The following CFAP20DC variants were observed in gnomAD, a reference collection of about 807,000 sequenced individuals.
CFAP20DC encodes the protein protein CFAP20DC.
CFAP20DC carries 84 observed loss-of-function variants against 101.7 expected under a neutral mutation model. The observed-to-expected ratio is 0.83, with a 90% CI of 0.69 to 0.99. The LOEUF (loss-of-function observed/expected upper bound fraction) is 0.99. CFAP20DC is among the 50% of genes least tolerant of loss of function. The pLI is 0.00. For missense variants in CFAP20DC, 1,007 were observed against 970.3 expected (o/e 1.04, Z -0.50); for synonymous variants, 359 against 351.2 (o/e 1.02, Z -0.25).
chr3:58,999,794 A>G (rs1196248956), intron 4 of CFAP20DC, among the ~76,000 whole-genome samples: 1 of 142,092 alleles, frequency 7.0e-6, no homozygotes, highest in Non-Finnish European at 1.5e-5. Flanking sequence ...AGTGTATTCT[A>G]TTTACTGTTG....
At chr3:58,956,843 C>T (rs6805360) in intron 4 of CFAP20DC, among the ~76,000 whole-genome samples, 9,863 of 152,208 alleles carry the variant, frequency 0.065, 1,055 homozygotes, top group African/African-American at 0.22. Flanking sequence ...GCAAGGGGAA[C>T]AATGACTGCC....
chr3:58,719,586 A>G (rs1418015343), intron 3 of CFAP20DC, among the ~76,000 whole-genome samples: 1 of 152,210 alleles, frequency 6.6e-6, no homozygotes, highest in Non-Finnish European at 1.5e-5. Flanking sequence ...GCACTATTTG[A>G]TAAGACAGAG....
At chr3:58,884,270 C>T (rs1004222121) in intron 7 of CFAP20DC, among the ~76,000 whole-genome samples, 4 of 152,142 alleles carry the variant, frequency 2.6e-5, no homozygotes, top group Non-Finnish European at 5.9e-5. Context: ...TACTGTTTCC[C>T]GTAATACCAT....
At chr3:59,026,878 G>A (rs1238606196) in intron 4 of CFAP20DC, among the ~76,000 whole-genome samples, 1 of 152,156 alleles carries the variant, frequency 6.6e-6, no homozygotes, top group African/African-American at 2.4e-5. Context: ...TGAGGCTAAA[G>A]CTTTGTTTGG....
chr3:58,855,440 G>A (rs1211310654), intron 12 of CFAP20DC, among the ~76,000 whole-genome samples: 2 of 152,006 alleles, frequency 1.3e-5, no homozygotes, highest in Admixed American at 1.3e-4. Flanking sequence ...GATTCCTCAG[G>A]GATCTAGAAC....
At chr3:59,041,448 C>T (rs57867854) in intron 3 of CFAP20DC, among the ~76,000 whole-genome samples, 2,684 of 152,056 alleles carry the variant, frequency 0.018, 66 homozygotes, top group African/African-American at 0.06. Flanking sequence ...ACTTTAATAA[C>T]ATTTGACACA....
intron 4 of CFAP20DC, among the ~76,000 whole-genome samples, chr3:58,997,963 A>G (rs904740372): frequency 3.3e-5 from 5 of 152,032 alleles, no homozygotes; most frequent in African/African-American, 1.2e-4. Flanking sequence ...AATTTATCCT[A>G]CTCTCCAAAA....
intron 4 of CFAP20DC, among the ~76,000 whole-genome samples, chr3:58,941,851 C>T (rs929450006): frequency 6.6e-6 from 1 of 152,260 alleles, no homozygotes; most frequent in Non-Finnish European, 1.5e-5. Flanking sequence ...CCACTGTGCC[C>T]GGCCCTTTCA....
intron 7 of CFAP20DC, among the ~76,000 whole-genome samples, chr3:58,876,626 G>A (rs2080775297): frequency 6.6e-6 from 1 of 152,058 alleles, no homozygotes; most frequent in East Asian, 1.9e-4. Context: ...TAGTTAGATT[G>A]TAAAACCTGA....
At chr3:58,793,006 C>T (rs1247195903) in intron 15 of CFAP20DC, among the ~76,000 whole-genome samples, 1 of 151,990 alleles carries the variant, frequency 6.6e-6, no homozygotes, top group Non-Finnish European at 1.5e-5. Flanking sequence ...ATAGATGGTA[C>T]CTTTTTCTAA....
At chr3:59,040,249 C>G (rs983573846) in intron 3 of CFAP20DC, among the ~76,000 whole-genome samples, 1 of 152,028 alleles carries the variant, frequency 6.6e-6, no homozygotes, top group East Asian at 1.9e-4. Context: ...AGCTTTTATT[C>G]CCTATTACTA....
intron 3 of CFAP20DC, among the ~76,000 whole-genome samples, chr3:58,736,715 C>CCAGG (rs2067765302): frequency 6.6e-6 from 1 of 152,196 alleles, no homozygotes; most frequent in African/African-American, 2.4e-5. Flanking sequence ...AGTTTATATG[C>CCAGG]TTAAATCTTG....
At position 58,874,954 on chromosome 3, in the gene CFAP20DC, T is replaced by G. The variant is rs1299562956; in HGVS notation, c.716-4645A>C. Among the ~76,000 whole-genome samples the G allele has an allele frequency of 6.6e-6, 1 of 152,186 alleles. No homozygotes were observed. The highest frequency in any genetic ancestry group is 2.4e-5 in the African/African-American group (1 of 41,448). On this transcript the variant is annotated intron_variant, in intron 7 of 16. Coordinates refer to ENST00000482387, the MANE Select transcript of CFAP20DC (RefSeq NM_001394063.1). This position sits in a 1 kb window ranked among gnomAD's most constrained non-coding sequence, Gnocchi z 5.1. The stretch of plus-strand genomic sequence containing the variant: ...TAAATGAAATGAGTCAGAAGGGAAG[T>G]TGGATTAAATGACTCAAAAATGTCT...
intron 16 of CFAP20DC, among the ~76,000 whole-genome samples, chr3:58,748,737 A>C (rs1419088434): frequency 6.6e-6 from 1 of 152,140 alleles, no homozygotes; most frequent in African/African-American, 2.4e-5. Context: ...CAACTTCCTA[A>C]ATTAAAAAAA....
intron 4 of CFAP20DC, among the ~76,000 whole-genome samples, chr3:58,981,437 C>G (rs1336106003): frequency 2.0e-5 from 3 of 152,176 alleles, no homozygotes; most frequent in African/African-American, 7.2e-5. Flanking sequence ...GGAGGCATCA[C>G]ACTACCTGAC....
chr3:59,021,585 T>C (rs1266620935), intron 4 of CFAP20DC, among the ~76,000 whole-genome samples: 1 of 152,082 alleles, frequency 6.6e-6, no homozygotes, highest in Non-Finnish European at 1.5e-5. Flanking sequence ...AAGCCAATGA[T>C]TGGCCAAGGA....
At chr3:59,035,563 A>T (rs988175532) in intron 4 of CFAP20DC, among the ~76,000 whole-genome samples, 6 of 152,196 alleles carry the variant, frequency 3.9e-5, no homozygotes, top group Non-Finnish European at 8.8e-5. Flanking sequence ...TACTATAAAC[A>T]CTTCTATGCA....
At chr3:58,929,372 T>C (rs1235938901) in intron 5 of CFAP20DC, among the ~76,000 whole-genome samples, 2 of 152,230 alleles carry the variant, frequency 1.3e-5, no homozygotes, top group Non-Finnish European at 2.9e-5. Context: ...ATTTATTAAC[T>C]ACACACTGAA....
At position 58,886,149 on chromosome 3, in the gene CFAP20DC, G is replaced by A. The variant is rs867882765; in HGVS notation, c.551-1440C>T. 5.3e-5 allele frequency among the ~76,000 whole-genome samples: 8 copies of A among 152,012 alleles called. No homozygotes were observed. The South Asian group carries it at 1.0e-3, about 20-fold the overall frequency. ...AAAAATGTTCATACCATTTTACTCAGTAATTTCATTTTATGAATCTATTCT... is the reference window on the plus strand; with the variant it reads ...AAAAATGTTCATACCATTTTACTCAATAATTTCATTTTATGAATCTATTCT... On this transcript the variant is annotated intron_variant, in intron 6 of 16. Coordinates refer to ENST00000482387, the MANE Select transcript of CFAP20DC (RefSeq NM_001394063.1).
Sources: allele counts gnomAD v4.1 joint callset (sites outside exome capture counted in the v4.1 genomes callset), GRCh38; gene constraint gnomAD v4.1.1; non-coding constraint Gnocchi (gnomAD v3.1); transcripts MANE v1.5; gene names NCBI Gene and HGNC (gene_info 2026-07-23, HGNC 2026-07-21).